The following ANKRD30B variants were observed in gnomAD, a reference collection of about 807,000 sequenced individuals.
ANKRD30B encodes ankyrin repeat domain 30B, also known as ankyrin repeat domain-containing protein 30B.
Under a neutral mutation model 202.2 loss-of-function variants are expected in ANKRD30B, and 144 were observed. The observed-to-expected ratio is 0.71, with a 90% CI of 0.62 to 0.82. The LOEUF (loss-of-function observed/expected upper bound fraction) is 0.82. Ranked by LOEUF, ANKRD30B falls within the 40% of genes least tolerant of loss-of-function variation. The probability of loss-of-function intolerance (pLI) is 0.00; values close to 1 mark genes in which losing one functional copy is unlikely to be tolerated. For synonymous variants in ANKRD30B, 508 were observed against 561.3 expected (o/e 0.91, Z 1.34); for missense variants, 1,487 against 1,669.1 (o/e 0.89, Z 1.90).
the ANKRD30B span, among the ~76,000 whole-genome samples, chr18:14,934,276 A>T: frequency 6.6e-6 from 1 of 152,232 alleles, no homozygotes; most frequent in Non-Finnish European, 1.5e-5. Context: ...GGGGCGTGTC[A>T]GTGCCTATGA....
chr18:14,800,293 G>T (rs9797429), intron 22 of ANKRD30B, among the ~76,000 whole-genome samples: 1 of 147,202 alleles, frequency 6.8e-6, no homozygotes, highest in African/African-American at 2.6e-5. Context: ...AATTTGTTTT[G>T]ACGTCTTAAA....
At chr18:14,892,273 C>T in the ANKRD30B span, among the ~76,000 whole-genome samples, 1 of 152,160 alleles carries the variant, frequency 6.6e-6, no homozygotes, top group African/African-American at 2.4e-5. Flanking sequence ...TTTTCTTTTA[C>T]AGAACAATTG....
intron 26 of ANKRD30B, among the ~76,000 whole-genome samples, 156 bp downstream of exon 26, chr18:14,808,900 T>A (rs1348608070): frequency 6.6e-6 from 1 of 150,894 alleles, no homozygotes; most frequent in Admixed American, 6.6e-5. Flanking sequence ...TTTGAGAAAA[T>A]GTCATTTAGA....
chr18:14,793,458 C>A (rs1968660643), intron 16 of ANKRD30B, among the ~76,000 whole-genome samples: 1 of 152,018 alleles, frequency 6.6e-6, no homozygotes, highest in African/African-American at 2.4e-5. Context: ...GATTCAAGAT[C>A]ACTTATCTCC....
At chr18:14,876,568 AG>A in the ANKRD30B span, among the ~76,000 whole-genome samples, 1 of 152,202 alleles carries the variant, frequency 6.6e-6, no homozygotes, top group Non-Finnish European at 1.5e-5. Context: ...AAGATTACTG[AG>A]GTAACCTTAA....
At chr18:14,915,049 C>T in the ANKRD30B span, among the ~76,000 whole-genome samples, 302 of 152,240 alleles carry the variant, frequency 2.0e-3, no homozygotes, top group African/African-American at 6.9e-3. Context: ...AATGAGCCTA[C>T]GAAGTAAATA....
chr18:14,805,401 T>G (rs528816096), intron 24 of ANKRD30B, among the ~76,000 whole-genome samples: 5 of 151,034 alleles, frequency 3.3e-5, no homozygotes, highest in African/African-American at 1.2e-4. Flanking sequence ...CTGTTCCTGA[T>G]GAGGTTTGTA....
intron 1 of ANKRD30B, among the ~76,000 whole-genome samples, chr18:14,751,374 A>C (rs1913420845): frequency 6.6e-6 from 1 of 152,026 alleles, no homozygotes; most frequent in African/African-American, 2.4e-5. Context: ...CATTCTATTA[A>C]CTCTCAAGAC....
At chr18:14,798,364 G>C (rs1330808089) in intron 20 of ANKRD30B, among the ~76,000 whole-genome samples, 2 of 151,968 alleles carry the variant, frequency 1.3e-5, no homozygotes. Flanking sequence ...AGTACACAGG[G>C]ATAAGAATTT....
At chr18:14,933,076 C>T in the ANKRD30B span, among the ~76,000 whole-genome samples, 7 of 152,198 alleles carry the variant, frequency 4.6e-5, no homozygotes, top group African/African-American at 1.2e-4. Flanking sequence ...AGACCATGCA[C>T]GAATCTAAAC....
chr18:14,896,771 T>C, the ANKRD30B span, among the ~76,000 whole-genome samples: 1 of 137,436 alleles, frequency 7.3e-6, no homozygotes, highest in Non-Finnish European at 1.6e-5. Context: ...CTGTTTCACT[T>C]GTTAAGTGGA....
intron 37 of ANKRD30B, among the ~76,000 whole-genome samples, 181 bp downstream of exon 37, chr18:14,840,859 A>C (rs1309774199): frequency 3.9e-5 from 6 of 152,206 alleles, no homozygotes. Context: ...AGAGTGCCAA[A>C]AAAGAGCTGA....
At chr18:14,790,498 C>T (rs1375080657) in intron 15 of ANKRD30B, among the ~76,000 whole-genome samples, 1 of 152,118 alleles carries the variant, frequency 6.6e-6, no homozygotes, top group Non-Finnish European at 1.5e-5. Context: ...CCAGTTTTTG[C>T]CAATTCAGTA....
chr18:14,819,608 A>G (rs1970304076), intron 30 of ANKRD30B, among the ~76,000 whole-genome samples: 1 of 152,114 alleles, frequency 6.6e-6, no homozygotes, highest in Admixed American at 6.6e-5. Context: ...AGCACCATTT[A>G]TTAAATAGGG....
intron 32 of ANKRD30B, among the ~76,000 whole-genome samples, chr18:14,826,383 A>G (rs200711522): frequency 6.9e-6 from 1 of 145,690 alleles, no homozygotes; most frequent in Non-Finnish European, 1.5e-5. Context: ...TACAAGTTCT[A>G]CAGTGGTAAT....
the ANKRD30B span, among the ~76,000 whole-genome samples, chr18:14,891,246 C>A: frequency 6.6e-6 from 1 of 151,586 alleles, no homozygotes; most frequent in Non-Finnish European, 1.5e-5. Flanking sequence ...TCACTTCATT[C>A]TCTTATTTAT....
At chr18:14,909,610 G>A in the ANKRD30B span, among the ~76,000 whole-genome samples, 1 of 152,088 alleles carries the variant, frequency 6.6e-6, no homozygotes, top group African/African-American at 2.4e-5. Context: ...GTTTCACCAT[G>A]TTGGCCAGGC....
At chr18:14,871,541 T>C in the ANKRD30B span, among the ~76,000 whole-genome samples, 2 of 151,458 alleles carry the variant, frequency 1.3e-5, no homozygotes, top group Non-Finnish European at 2.9e-5. Flanking sequence ...GATGTACTGA[T>C]TGCCCTGTTG....
intron 30 of ANKRD30B, among the ~76,000 whole-genome samples, chr18:14,820,179 A>G (rs956789709): frequency 2.0e-5 from 3 of 152,294 alleles, no homozygotes; most frequent in African/African-American, 7.2e-5. Context: ...TTATTGGTGT[A>G]TAAGAATGCT....
Sources: gnomAD v4.1 joint callset for allele counts (sites outside exome capture counted in the v4.1 genomes callset) on GRCh38, gnomAD v4.1.1 for gene constraint, MANE v1.5 for transcripts, NCBI Gene and HGNC (gene_info 2026-07-23, HGNC 2026-07-21) for gene names.